The following TK1 variants were observed in gnomAD, a reference collection of about 807,000 sequenced individuals.
The protein encoded by TK1 is thymidine kinase 1, also known as thymidine kinase, cytosolic.
Under a neutral mutation model 22.4 loss-of-function variants are expected in TK1, and 13 were observed. The ratio of observed to expected loss-of-function variants is 0.58; its 90% CI spans 0.38 to 0.92. The LOEUF is 0.92. TK1 is among the 40% of genes least tolerant of loss of function. TK1 has a pLI of 0.00. For missense variants in TK1, 251 were observed against 315.7 expected (o/e 0.80, Z 1.55); for synonymous variants, 134 against 125.4 (o/e 1.07, Z -0.46).
At chr17:78,180,891 CATT>C (rs2075733174) in intron 4 of TK1, among the ~76,000 whole-genome samples, 1 of 152,214 alleles carries the variant, frequency 6.6e-6, no homozygotes, top group South Asian at 2.1e-4. Context: ...CCAGAGGTAA[CATT>C]AGAGAGATGG....
At chr17:78,185,271 CTG>C (rs557051829) in intron 2 of TK1, 106 bp from the exon 3 acceptor site, 363 of 767,148 alleles carry the variant, frequency 4.7e-4, no homozygotes, top group Non-Finnish European at 7.3e-4. Context: ...GGTATGCAGA[CTG>C]AGCCCACCAC....
chr17:78,184,281 T>C (rs1383992452), intron 3 of TK1, among the ~76,000 whole-genome samples: 1 of 152,230 alleles, frequency 6.6e-6, no homozygotes, highest in East Asian at 1.9e-4. Context: ...GGATCTGTTC[T>C]CTGCACAGCC....
intron 1 of TK1, 25 bp from the exon 2 acceptor site, chr17:78,186,843 G>T: frequency 1.9e-6 from 3 of 1,576,824 alleles, no homozygotes; most frequent in Non-Finnish European, 2.6e-6. Context: ...GAGGTCATTT[G>T]AGGGCCCGCC....
At chr17:78,175,291 C>G in intron 5 of TK1, 122 bp from the exon 6 acceptor site, 1 of 1,364,428 alleles carries the variant, frequency 7.3e-7, no homozygotes, top group Non-Finnish European at 9.7e-7. Context: ...GTCCTTCCCC[C>G]AACCCCCAGA....
In TK1 at chr17:78,182,657, A is replaced by G; in HGVS notation, c.235T>C (p.Cys79Arg). 1 of 1,593,022 alleles carries G rather than the reference A, an allele frequency of 6.3e-7. No individual in the cohort carries two copies. The highest frequency in any genetic ancestry group is 1.1e-5 in the South Asian group (1 of 88,168). The change falls in exon 4 of 7, where the codon TGC (cysteine) becomes CGC (arginine). Residue 79 changes from cysteine (C) to arginine (R), a missense_variant. Cys to Arg is a radical substitution (Grantham distance 180). Coordinates refer to ENST00000301634, the MANE Select transcript of TK1 (RefSeq NM_003258.5). ...TCCTGGGCCACGTCTCGGAGCAGGC[A>G]GGCGGGCAGTGCCTCCATGGTGTTC... is the stretch of plus-strand genomic sequence containing the variant. ...DRNTMEALPACLLRDVAQEAL... is the reference protein window; with the variant it reads ...DRNTMEALPARLLRDVAQEAL...
chr17:78,183,032 C>A (rs565147942), intron 3 of TK1, among the ~76,000 whole-genome samples: 1 of 152,238 alleles, frequency 6.6e-6, no homozygotes, highest in East Asian at 1.9e-4. Flanking sequence ...TCACACCCAG[C>A]TAATTTTTGT....
At chr17:78,179,737 C>A in intron 4 of TK1, 7 of 985,410 alleles carry the variant, frequency 7.1e-6, no homozygotes, top group Non-Finnish European at 8.4e-6. Context: ...GAAGCACTCA[C>A]CAAACCAACT....
intron 2 of TK1, among the ~76,000 whole-genome samples, chr17:78,185,972 A>C (rs1488960981): frequency 1.3e-5 from 2 of 152,216 alleles, no homozygotes; most frequent in African/African-American, 4.8e-5. Context: ...CCATAAAAGA[A>C]TGTTGGGGCA....
chr17:78,183,285 G>A (rs1464211596), intron 3 of TK1, among the ~76,000 whole-genome samples: 1 of 152,218 alleles, frequency 6.6e-6, no homozygotes, highest in African/African-American at 2.4e-5. Context: ...CAGGGCCCAT[G>A]ATACCATTAG....
Position 78,175,054 on chromosome 17 carries a change from T to C in TK1, c.509A>G (p.Lys170Arg). ...AGGGAAGGCAGGTGGAGCTACCTCC[T>C]TCTCTGTGCCGAGCCTCTTGGTATA... ...AAYTKRLGTE[K>R]EVEVIGGADK... Residue 170 changes from lysine to arginine, a missense_variant, in exon 6 of 7, where the codon AAG (lysine) becomes AGG (arginine). By Grantham distance (26) the Lys-to-Arg change is conservative. Coordinates refer to ENST00000301634, the MANE Select transcript of TK1 (RefSeq NM_003258.5). 1 of 1,613,394 alleles carries C rather than the reference T, an allele frequency of 6.2e-7. No individual in the cohort carries two copies. The highest frequency in any genetic ancestry group is 8.5e-7 in the Non-Finnish European group (1 of 1,179,696).
chr17:78,180,122 C>T (rs1175465245), intron 4 of TK1, among the ~76,000 whole-genome samples: 3 of 152,224 alleles, frequency 2.0e-5, no homozygotes, highest in Admixed American at 6.5e-5. Context: ...ATAGGTGGCC[C>T]TGTGCCCAGG....
At chr17:78,177,608 C>T (rs1051820289) in intron 4 of TK1, among the ~76,000 whole-genome samples, 4 of 150,038 alleles carry the variant, frequency 2.7e-5, no homozygotes, top group African/African-American at 9.9e-5. Flanking sequence ...GAGTCTCGCT[C>T]TGTCGCCCAG....
intron 4 of TK1, chr17:78,179,824 C>T (rs763469882): frequency 3.4e-6 from 3 of 893,644 alleles, no homozygotes; most frequent in Non-Finnish European, 4.0e-6. Flanking sequence ...AATCCCAGCA[C>T]TTTGGGAGGC....
At position 78,174,842 on chromosome 17, in the gene TK1, C is replaced by T; in HGVS notation, c.622G>A (p.Val208Met). The change falls in exon 7 of 7, where the codon GTG becomes ATG. Residue 208 changes from valine to methionine, a missense_variant. Physicochemically the swap from Val to Met is conservative, Grantham distance 21. Transcript: ENST00000301634. ...AGPDNKENCP[V>M]PGKPGEAVAA... ...ACGGCTTCCCCTGGCTTTCCTGGCA[C>T]TGGGCAGTTCTCTTTGTTGTCCGGC... 1.2e-6 allele frequency: 2 copies of T among 1,613,638 alleles called. No homozygotes were observed. Among genetic ancestry groups the T allele is most frequent in the Non-Finnish European group, 1.7e-6 (2 of 1,179,746 alleles).
chr17:78,184,902 T>A (rs552751781), intron 3 of TK1, among the ~76,000 whole-genome samples, 153 bp downstream of exon 3: 1 of 150,262 alleles, frequency 6.7e-6, no homozygotes, highest in Non-Finnish European at 1.5e-5. Context: ...GAGTGGAGAG[T>A]GTGCGCTACC....
rs1349892924 is a variant in TK1, at chr17:78,175,496, A to G, written c.393+33T>C. The G allele has an allele frequency of 1.9e-6, 3 of 1,597,908 alleles. No homozygotes were observed. In the South Asian group the frequency reaches 3.3e-5, roughly 18 times the overall value. ...ATCCAGAAGCCTCTTGCCCTCCTCAATCCCAGCTCCAGACCTGGATCAGAC... is the reference window on the plus strand; with the variant it reads ...ATCCAGAAGCCTCTTGCCCTCCTCAGTCCCAGCTCCAGACCTGGATCAGAC... On this transcript the variant is annotated intron_variant, in intron 5 of 6. Transcript: ENST00000301634.
chr17:78,174,674 C>T lies in TK1; in HGVS notation c.*85G>A. On this transcript the variant is annotated 3_prime_UTR_variant, in exon 7 of 7. Transcript: ENST00000301634. The stretch of plus-strand genomic sequence containing the variant: ...GGTCACCCTCCACGCCTCCCGACTT[C>T]CTCCTGGAGTGGCTGGGCAGCATGC... 6.9e-7 allele frequency: 1 copy of T among 1,444,866 alleles called. No homozygotes were observed. The highest frequency in any genetic ancestry group is 9.2e-7 in the Non-Finnish European group (1 of 1,088,036). The allele number at this position is 1,444,866 out of a possible 1,614,324, so 89.5% of individuals were successfully genotyped here.
At position 78,174,843 on chromosome 17, in the gene TK1, T is replaced by C. The variant is rs764879300; in HGVS notation, c.621A>G (p.Pro207=). ...CGGCTTCCCCTGGCTTTCCTGGCAC[T>C]GGGCAGTTCTCTTTGTTGTCCGGCC... ...PAGPDNKENC[P]VPGKPGEAVA... The change falls in exon 7 of 7, where the codon CCA becomes CCG. Residue 207 remains proline, a synonymous_variant. Transcript: ENST00000301634. 6.2e-6 allele frequency: 10 copies of C among 1,613,576 alleles called. No homozygotes were observed. Among genetic ancestry groups the C allele is most frequent in the South Asian group, 5.5e-5 (5 of 91,006 alleles).
At chr17:78,179,261 A>T in intron 4 of TK1, 2 of 985,420 alleles carry the variant, frequency 2.0e-6, no homozygotes, top group South Asian at 9.4e-5. Flanking sequence ...AAATCCCTGG[A>T]TGCATTCTGA....
Sources: allele counts gnomAD v4.1 joint callset (sites outside exome capture counted in the v4.1 genomes callset), GRCh38; gene constraint gnomAD v4.1.1; transcripts MANE v1.5; gene names NCBI Gene and HGNC (gene_info 2026-07-23, HGNC 2026-07-21).